SLC15A3: variants seen among roughly 807,000 people sequenced by gnomAD.
SLC15A3 encodes solute carrier family 15 member 3.
A neutral mutation model predicts 49.2 loss-of-function variants in SLC15A3; 39 were observed. That is an observed-to-expected ratio of 0.79 (90% CI 0.61 to 1.04). SLC15A3 has a LOEUF of 1.04. Ranked by LOEUF, SLC15A3 falls within the 50% of genes least tolerant of loss-of-function variation. The probability of loss-of-function intolerance (pLI) is 0.00; values close to 1 mark genes in which losing one functional copy is unlikely to be tolerated. For synonymous variants in SLC15A3, 339 were observed against 367.0 expected (o/e 0.92, Z 0.87); for missense variants, 758 against 794.8 (o/e 0.95, Z 0.56).
At position 60,945,466 on chromosome 11, in the gene SLC15A3, C is replaced by T. The variant is rs534640884; in HGVS notation, c.848+1066G>A. ...TAAAAAGGTCATTTAAATCACTAAG[C>T]TCTGGTGTGGTTTGTTAGGCAGCGA... On this transcript the variant is annotated intron_variant, in intron 2 of 7. Transcript: ENST00000227880. 8.5e-5 allele frequency among the ~76,000 whole-genome samples: 13 copies of T among 152,316 alleles called. No homozygotes were observed. In the East Asian group the frequency reaches 2.1e-3, roughly 25 times the overall value.
In SLC15A3 at chr11:60,946,468, C is replaced by T. The variant is rs1856802872; in HGVS notation, c.848+64G>A. On this transcript the variant is annotated intron_variant, in intron 2 of 7. Coordinates refer to ENST00000227880, the MANE Select transcript of SLC15A3 (RefSeq NM_016582.3). ...AATGTCTGCAACCTGGACCATGCCTCCCCGGGAGCGATCCAGCGCTTCTCC... is the reference window on the plus strand; with the variant it reads ...AATGTCTGCAACCTGGACCATGCCTTCCCGGGAGCGATCCAGCGCTTCTCC... The T allele has an allele frequency of 1.1e-5, 16 of 1,497,470 alleles. 1 individual carries two copies. The highest frequency in any genetic ancestry group is 9.1e-5 in the Admixed American group (4 of 43,888). The allele number at this position is 1,497,470 out of a possible 1,614,324, so 92.8% of individuals were successfully genotyped here.
intron 2 of SLC15A3, among the ~76,000 whole-genome samples, chr11:60,944,714 A>G (rs1009540870): frequency 6.6e-6 from 1 of 152,142 alleles, no homozygotes; most frequent in Non-Finnish European, 1.5e-5. Context: ...TGCTGTCTCA[A>G]GTCCATCCTC....
At chr11:60,946,940 C>T in intron 1 of SLC15A3, 119 bp from the exon 2 acceptor site, 1 of 1,062,544 alleles carries the variant, frequency 9.4e-7, no homozygotes, top group Non-Finnish European at 1.3e-6. Context: ...CGTTCCGACA[C>T]TTTCCCAGTC....
rs760300673 is a variant in SLC15A3 at position 60,951,227 on chromosome 11, G to T, written c.325C>A (p.Leu109Met). ...GRYRAVALSL[L>M]LYLAASGLLP... Reference sequence around the variant, plus strand: ...AGGCCCGAGGCGGCCAGGTAGAGCAGCAGGCTGAGCGCGACCGCGCGGTAG... The same window carrying T: ...AGGCCCGAGGCGGCCAGGTAGAGCATCAGGCTGAGCGCGACCGCGCGGTAG... The change falls in exon 1 of 8, where the codon CTG (leucine) becomes ATG (methionine). Residue 109 changes from leucine to methionine, a missense_variant. Leu to Met is a conservative substitution (Grantham distance 15, BLOSUM62 2). Around this residue, in one of 3 missense-constraint regions of SLC15A3, gnomAD observed 699 missense variants for 706.7 expected, o/e 0.99. Coordinates refer to ENST00000227880, the MANE Select transcript of SLC15A3 (RefSeq NM_016582.3). The T allele has an allele frequency of 1.1e-5, 17 of 1,508,950 alleles. No homozygotes were observed. The South Asian group carries it at 2.0e-4, about 18-fold the overall frequency. 93.5% of individuals were successfully genotyped at this position (1,508,950 alleles called of 1,614,324 possible).
In SLC15A3 at chr11:60,942,233, A is replaced by G. The variant is rs1054763079; in HGVS notation, c.997-88T>C. 19 of 1,091,306 alleles carry G rather than the reference A, an allele frequency of 1.7e-5. No individual in the cohort carries two copies. The African/African-American group carries it at 2.3e-4, about 13-fold the overall frequency. 67.6% of individuals were successfully genotyped at this position (1,091,306 alleles called of 1,614,324 possible). On this transcript the variant is annotated intron_variant, in intron 3 of 7. Coordinates refer to ENST00000227880, the MANE Select transcript of SLC15A3 (RefSeq NM_016582.3). ...GTGGCATTCCTCAGCGCCGTACCACAGGACAGCTGGGCAGCTGTCCCCTCT... is the reference window on the plus strand; with the variant it reads ...GTGGCATTCCTCAGCGCCGTACCACGGGACAGCTGGGCAGCTGTCCCCTCT...
Position 60,937,153 on chromosome 11 carries a change from A to C in SLC15A3, c.*66T>G. 1 of 1,558,446 alleles carries C rather than the reference A, an allele frequency of 6.4e-7. No individual in the cohort carries two copies. Among genetic ancestry groups the C allele is most frequent in the South Asian group, 1.2e-5 (1 of 84,808 alleles). ...TTCTAACAGAATAAACCGAGAAGGA[A>C]ACCAGAGCTGGGACTGCTGCCGTCT... On this transcript the variant is annotated 3_prime_UTR_variant, in exon 8 of 8. Coordinates refer to ENST00000227880, the MANE Select transcript of SLC15A3 (RefSeq NM_016582.3).
rs1399412743 is a variant in SLC15A3, at chr11:60,938,212, A to G, written c.1436-187T>C. The G allele has an allele frequency of 1.1e-5, 7 of 666,636 alleles. No homozygotes were observed. The Admixed American group carries it at 2.3e-4, about 22-fold the overall frequency. The allele number at this position is 666,636 out of a possible 1,614,324, so 41.3% of individuals were successfully genotyped here. A position where few individuals can be genotyped will look rare whatever the true frequency, so the allele number is the denominator to read the frequency against. On this transcript the variant is annotated intron_variant, in intron 6 of 7. Coordinates refer to ENST00000227880, the MANE Select transcript of SLC15A3 (RefSeq NM_016582.3). ...TGCCGCCTTCCCCTCTGCCCTGCTC[A>G]CCTGCCTCCTGGCTGAACCCCTGCA...
At chr11:60,942,490 G>T in intron 3 of SLC15A3, 1 of 227,426 alleles carries the variant, frequency 4.4e-6, no homozygotes, top group Non-Finnish European at 8.9e-6. Flanking sequence ...CCCACAGGGA[G>T]TTCTCATCTG....
intron 5 of SLC15A3, 141 bp from the exon 6 acceptor site, chr11:60,939,779 G>A: frequency 1.1e-6 from 1 of 946,472 alleles, no homozygotes; most frequent in Admixed American, 2.9e-5. Flanking sequence ...ATGCTGGACT[G>A]GGGGGTGGAG....
chr11:60,938,092 G>T, intron 6 of SLC15A3, 67 bp from the exon 7 acceptor site: 1 of 1,537,728 alleles, frequency 6.5e-7, no homozygotes, highest in Non-Finnish European at 8.8e-7. Flanking sequence ...CCAGGCCCCT[G>T]CTTGCTGCCC....
In SLC15A3 at chr11:60,946,637, G is replaced by A. The variant is rs760561514; in HGVS notation, c.743C>T (p.Thr248Ile). 11 of 1,613,986 alleles carry A rather than the reference G, an allele frequency of 6.8e-6. 1 individual carries two copies. In the South Asian group the frequency reaches 8.8e-5, roughly 13 times the overall value. ...CGGGGGCTTGGTGATGAAGACGGGG[G>A]TGGCAAAGAGGAAGATGAAAAATGC... ...GLAFFIFLFA[T>I]PVFITKPPMG... The change falls in exon 2 of 8, where the codon ACC becomes ATC. Residue 248 changes from threonine (T) to isoleucine (I), a missense_variant. By Grantham distance (89) the Thr-to-Ile change is moderately conservative (BLOSUM62 -1). Around this residue, in one of 3 missense-constraint regions of SLC15A3, gnomAD observed 699 missense variants for 706.7 expected, o/e 0.99. Coordinates refer to ENST00000227880, the MANE Select transcript of SLC15A3 (RefSeq NM_016582.3).
chr11:60,939,199 GAC>G (rs1856673808), intron 6 of SLC15A3, among the ~76,000 whole-genome samples: 2 of 152,246 alleles, frequency 1.3e-5, no homozygotes, highest in African/African-American at 4.8e-5. Context: ...CAACTTCAAA[GAC>G]ACAGAGGGTG....
At position 60,951,530 on chromosome 11, in the gene SLC15A3, C is replaced by G. The variant is rs2134947280; in HGVS notation, c.22G>C (p.Glu8Gln). Residue 8 changes from glutamate to glutamine, a missense_variant, in exon 1 of 8, where the codon GAG (glutamate) becomes CAG (glutamine). Coordinates refer to ENST00000227880, the MANE Select transcript of SLC15A3 (RefSeq NM_016582.3). MPAPRAR[E>Q]QPRVPGERQP... is the part of the protein sequence containing the mutation. ...CGCTCCCCGGGCACGCGGGGCTGCT[C>G]CCGGGCGCGCGGCGCGGGCATCCTG... is the stretch of plus-strand genomic sequence containing the variant. 8.6e-7 allele frequency: 1 copy of G among 1,157,858 alleles called. No homozygotes were observed. Among genetic ancestry groups the G allele is most frequent in the East Asian group, 4.0e-5 (1 of 25,092 alleles). The allele number at this position is 1,157,858 out of a possible 1,614,324, so 71.7% of individuals were successfully genotyped here.
intron 3 of SLC15A3, chr11:60,943,416 C>T (rs1856747360): frequency 7.5e-6 from 2 of 268,116 alleles, no homozygotes; most frequent in South Asian, 1.6e-4. Context: ...AGGACCTAGC[C>T]TGGCACAAAG....
intron 1 of SLC15A3, among the ~76,000 whole-genome samples, chr11:60,949,519 A>AGAAG (rs1856867753): frequency 1.4e-5 from 1 of 72,348 alleles, no homozygotes; most frequent in South Asian, 8.4e-4. Flanking sequence ...AAAGAAAGAA[A>AGAAG]GAAAGAAAGA....
Position 60,942,067 on chromosome 11 carries a change from C to T in SLC15A3, c.1075G>A (p.Val359Met). The T allele has an allele frequency of 1.2e-6, 2 of 1,614,116 alleles. No homozygotes were observed. The highest frequency in any genetic ancestry group is 1.7e-6 in the Non-Finnish European group (2 of 1,179,986). ...CTGCTGCCCTGGGCTCTCAGGGCCA[C>T]AGAGATGTTGGCCGGGTTGGCTGGG... ...IFPANPANIS[V>M]ALRAQGSSYT... The change falls in exon 4 of 8, where the codon GTG becomes ATG. Residue 359 changes from valine (V) to methionine (M), a missense_variant. Transcript: ENST00000227880.
At chr11:60,938,921 G>C (rs78559960) in intron 6 of SLC15A3, among the ~76,000 whole-genome samples, 1 of 152,148 alleles carries the variant, frequency 6.6e-6, no homozygotes, top group Non-Finnish European at 1.5e-5. Flanking sequence ...CCCTGGGCCC[G>C]CAGCTGAGGA....
chr11:60,950,666 CT>C (rs1301675600), intron 1 of SLC15A3, among the ~76,000 whole-genome samples: 1 of 152,160 alleles, frequency 6.6e-6, no homozygotes. Context: ...TGGCAGGCCC[CT>C]GTAATCCCAG....
At position 60,951,138 on chromosome 11, in the gene SLC15A3, C is replaced by A. The variant is rs1856911919; in HGVS notation, c.414G>T (p.Pro138=). The change falls in exon 1 of 8, where the codon CCG becomes CCT. Residue 138 remains proline, a synonymous_variant. Coordinates refer to ENST00000227880, the MANE Select transcript of SLC15A3 (RefSeq NM_016582.3). ...CGGCCGAGGGGCAGGCAGGTCCCAG[C>A]GGCGACGCGGGCATCTCTCCGCAGA... ...SSFCGEMPAS[P]LGPACPSAGC... The A allele has an allele frequency of 1.3e-6, 2 of 1,485,594 alleles. No individual in the cohort carries two copies. Among genetic ancestry groups the A allele is most frequent in the Non-Finnish European group, 1.8e-6 (2 of 1,127,084 alleles). The allele number at this position is 1,485,594 out of a possible 1,614,324, so 92.0% of individuals were successfully genotyped here.
Sources: gnomAD v4.1 joint callset for allele counts (sites outside exome capture counted in the v4.1 genomes callset) on GRCh38, gnomAD v4.1.1 for gene constraint, gnomAD v4.1.1 regional missense constraint, MANE v1.5 for transcripts, NCBI Gene and HGNC (gene_info 2026-07-23, HGNC 2026-07-21) for gene names.